FRS3: variants seen among roughly 807,000 people sequenced by gnomAD.
FRS3 encodes the protein FGFR substrate 3.
In FRS3, 17 loss-of-function variants were observed where a neutral mutation model predicts 41.9. The ratio of observed to expected loss-of-function variants is 0.41; its 90% CI spans 0.28 to 0.61. FRS3 has a LOEUF of 0.61. Ranked by LOEUF, FRS3 falls within the 20% of genes least tolerant of loss-of-function variation. The probability of loss-of-function intolerance (pLI) is 0.36; values close to 1 mark genes in which losing one functional copy is unlikely to be tolerated. For missense variants in FRS3, 619 were observed against 672.1 expected (o/e 0.92, Z 0.87); for synonymous variants, 287 against 274.5 (o/e 1.05, Z -0.45).
chr6:41,772,970 A>T lies in FRS3; in HGVS notation c.254-11T>A. 6.2e-7 allele frequency: 1 copy of T among 1,613,362 alleles called. No individual in the cohort carries two copies. The highest frequency in any genetic ancestry group is 8.5e-7 in the Non-Finnish European group (1 of 1,179,464). ...TAAATGCAAATATTCCTGGAGAAGG[A>T]GAGGAAGAAATGACCCTAGGCAATA... is the stretch of plus-strand genomic sequence containing the variant. On this transcript the variant is annotated splice_polypyrimidine_tract_variant and intron_variant, in intron 4 of 6. Coordinates refer to ENST00000373018, the MANE Select transcript of FRS3 (RefSeq NM_006653.5).
chr6:41,773,004 C>T (rs776674200), intron 4 of FRS3, 45 bp from the exon 5 acceptor site: 1 of 1,541,526 alleles, frequency 6.5e-7, no homozygotes, highest in Non-Finnish European at 9.0e-7. Flanking sequence ...TAGGGAAGGA[C>T]CAGAGGAGCT....
chr6:41,771,687 GGGACA>G, intron 6 of FRS3, 124 bp downstream of exon 6: 1 of 1,181,256 alleles, frequency 8.5e-7, no homozygotes, highest in South Asian at 1.5e-5. Context: ...CTCCCTTTTG[GGGACA>G]GGAAGGGACC....
chr6:41,778,727 A>G (rs1366030702), intron 1 of FRS3, among the ~76,000 whole-genome samples: 1 of 152,184 alleles, frequency 6.6e-6, no homozygotes, highest in African/African-American at 2.4e-5. Context: ...ACGTAAGACA[A>G]ACTTCACTAA....
intron 4 of FRS3, 88 bp downstream of exon 4, chr6:41,775,331 T>C: frequency 9.6e-7 from 1 of 1,046,112 alleles, no homozygotes; most frequent in South Asian, 1.7e-5. Flanking sequence ...GGGATAACAC[T>C]AACCTCTTGA....
intron 1 of FRS3, among the ~76,000 whole-genome samples, chr6:41,779,208 C>G (rs1283411953): frequency 6.6e-6 from 1 of 151,922 alleles, no homozygotes; most frequent in Non-Finnish European, 1.5e-5. Flanking sequence ...CTTAAGATAT[C>G]AGGATGTATC....
intron 1 of FRS3, 97 bp from the exon 2 acceptor site, chr6:41,778,273 T>C (rs1236489656): frequency 2.0e-5 from 3 of 152,250 alleles, no homozygotes; most frequent in Non-Finnish European, 4.4e-5. Flanking sequence ...CACCTGGGTA[T>C]CTGTTCCAGC....
intron 4 of FRS3, 91 bp from the exon 5 acceptor site, chr6:41,773,050 C>T: frequency 9.6e-7 from 1 of 1,046,894 alleles, no homozygotes; most frequent in South Asian, 1.4e-5. Flanking sequence ...TGTCCCTCAA[C>T]TCCAGTCCCA....
chr6:41,779,900 C>G lies in FRS3; in HGVS notation c.-252G>C. On this transcript the variant is annotated 5_prime_UTR_variant, in exon 1 of 7. Coordinates refer to ENST00000373018, the MANE Select transcript of FRS3 (RefSeq NM_006653.5). ...CGCCCGCCCGGAGCTAAGGCCTCCC[C>G]GCCCCGCCCCGCCCCGCGGCCGCGG... 1 of 149,788 alleles carries G rather than the reference C, an allele frequency of 6.7e-6. No homozygotes were observed. Among genetic ancestry groups the G allele is most frequent in the African/African-American group, 2.4e-5 (1 of 41,120 alleles). 9.3% of individuals were successfully genotyped at this position (149,788 alleles called of 1,614,324 possible).
At chr6:41,772,699 C>G in intron 5 of FRS3, 99 bp downstream of exon 5, 1 of 1,390,820 alleles carries the variant, frequency 7.2e-7, no homozygotes, top group Admixed American at 2.1e-5. Flanking sequence ...CCAGCCTTCT[C>G]CCAACCAGCC....
In FRS3 at chr6:41,779,128, G is replaced by A. The variant is rs146449976; in HGVS notation, c.-168+688C>T. On this transcript the variant is annotated intron_variant, in intron 1 of 6. Coordinates refer to ENST00000373018, the MANE Select transcript of FRS3 (RefSeq NM_006653.5). ...AGCCACCGACGGGGGCACGGCGCGG[G>A]CACTGAAACGAAGAACTCTAGGGTG... Among the ~76,000 whole-genome samples, 671 of 152,148 alleles carry A rather than the reference G, an allele frequency of 4.4e-3. 9 individuals are homozygous for A. Among genetic ancestry groups the A allele is most frequent in the African/African-American group, 0.015 (643 of 41,504 alleles).
Position 41,776,942 on chromosome 6 carries a change from T to G in FRS3, c.46A>C (p.Asn16His). ...SCLNRDSVPD[N>H]HPTKFKVTNV... ...GGTACCTTGAACTTGGTGGGGTGGT[T>G]GTCTGGAACGCTGTCTCTGTTCAGG... Residue 16 changes from asparagine (N) to histidine (H), a missense_variant, in exon 3 of 7, where the codon AAC becomes CAC. Around this residue, in one of 3 missense-constraint regions of FRS3, gnomAD observed 100 missense variants for 138.1 expected, o/e 0.72. Transcript: ENST00000373018. The G allele has an allele frequency of 1.2e-6, 2 of 1,614,094 alleles. No homozygotes were observed. The highest frequency in any genetic ancestry group is 8.5e-7 in the Non-Finnish European group (1 of 1,179,948).
At chr6:41,773,667 T>C (rs1331813518) in intron 4 of FRS3, among the ~76,000 whole-genome samples, 1 of 151,094 alleles carries the variant, frequency 6.6e-6, no homozygotes, top group African/African-American at 2.4e-5. Flanking sequence ...AGTCAGGAGT[T>C]CAAGACCAGC....
intron 4 of FRS3, among the ~76,000 whole-genome samples, chr6:41,774,039 T>A (rs1772362386): frequency 1.3e-5 from 2 of 151,828 alleles, no homozygotes; most frequent in Non-Finnish European, 2.9e-5. Flanking sequence ...AAGCTCCGCC[T>A]CCCGGGTTCA....
At chr6:41,775,021 T>C (rs1427625340) in intron 4 of FRS3, among the ~76,000 whole-genome samples, 1 of 152,118 alleles carries the variant, frequency 6.6e-6, no homozygotes, top group Non-Finnish European at 1.5e-5. Flanking sequence ...GTAAGATGCA[T>C]GGAGGGAAGT....
rs59934086 is a variant in FRS3 at position 41,779,285 on chromosome 6, A to G, written c.-168+531T>C. 4.9e-4 allele frequency among the ~76,000 whole-genome samples: 75 copies of G among 151,970 alleles called. 1 individual carries two copies. In the East Asian group the frequency reaches 9.9e-3, roughly 20 times the overall value. On this transcript the variant is annotated intron_variant, in intron 1 of 6. Coordinates refer to ENST00000373018, the MANE Select transcript of FRS3 (RefSeq NM_006653.5). ...GAGAGGCCTCTGGTCTGGGATAGGT[A>G]TGGATCAGGGGCAGGAGTGAGAGGG...
At chr6:41,779,040 G>T (rs1772469071) in intron 1 of FRS3, among the ~76,000 whole-genome samples, 1 of 152,194 alleles carries the variant, frequency 6.6e-6, no homozygotes, top group South Asian at 2.1e-4. Flanking sequence ...CTGGAAGGAA[G>T]AAGCAGGCTC....
chr6:41,770,414 T>C lies in FRS3; in HGVS notation c.*205A>G. The C allele has an allele frequency of 3.3e-6, 2 of 604,518 alleles. No homozygotes were observed. Among genetic ancestry groups the C allele is most frequent in the South Asian group, 4.0e-5 (2 of 49,970 alleles). 37.4% of individuals were successfully genotyped at this position (604,518 alleles called of 1,614,324 possible). A position where few individuals can be genotyped will look rare whatever the true frequency, so the allele number is the denominator to read the frequency against. On this transcript the variant is annotated 3_prime_UTR_variant, in exon 7 of 7. Transcript: ENST00000373018. ...CGGCTCCCTCCTCGCCTGGTCACCC[T>C]TCTCTCCCCAGCCTGGAGACAGACC... is the stretch of plus-strand genomic sequence containing the variant.
At position 41,772,872 on chromosome 6, in the gene FRS3, T is replaced by C. The variant is rs1772333824; in HGVS notation, c.341A>G (p.Glu114Gly). ...ATTGCGGGTGATGATGACAGGCTCTTCCATCACATTGATGCTGTTGCACTG... is the reference window on the plus strand; with the variant it reads ...ATTGCGGGTGATGATGACAGGCTCTCCCATCACATTGATGCTGTTGCACTG... ...LMQCNSINVM[E>G]EPVIITRNSH... is the part of the protein sequence containing the mutation. The change falls in exon 5 of 7, where the codon GAA (glutamate) becomes GGA (glycine). Residue 114 changes from glutamate (E) to glycine (G), a missense_variant. This residue lies in a region of FRS3 where 487 missense variants were observed against 478.3 expected (regional missense o/e 1.02). Transcript: ENST00000373018. 1 of 1,613,354 alleles carries C rather than the reference T, an allele frequency of 6.2e-7. No homozygotes were observed. Among genetic ancestry groups the C allele is most frequent in the Admixed American group, 1.7e-5 (1 of 59,954 alleles).
Position 41,770,950 on chromosome 6 carries a change from T to C in FRS3, c.1148A>G (p.His383Arg). 1.2e-6 allele frequency: 2 copies of C among 1,612,788 alleles called. No individual in the cohort carries two copies. Among genetic ancestry groups the C allele is most frequent in the Non-Finnish European group, 8.5e-7 (1 of 1,179,918 alleles). ...GGTCAGTGGCACAGGAAAGCTGCCG[T>C]GGCTGCGGATGGCGGCCCGGGTGCT... ...PTSTRAAIRS[H>R]GSFPVPLTRR... Residue 383 changes from histidine (H) to arginine (R), a missense_variant, in exon 7 of 7, where the codon CAC becomes CGC. His to Arg is a conservative substitution (Grantham distance 29). Transcript: ENST00000373018.
Sources: gnomAD v4.1 joint callset for allele counts (sites outside exome capture counted in the v4.1 genomes callset) on GRCh38, gnomAD v4.1.1 for gene constraint, gnomAD v4.1.1 regional missense constraint, MANE v1.5 for transcripts, NCBI Gene and HGNC (gene_info 2026-07-23, HGNC 2026-07-21) for gene names.